FRMD6: variants seen among roughly 807,000 people sequenced by gnomAD.
FRMD6 encodes FERM domain-containing protein 6.
In FRMD6, 37 loss-of-function variants were observed where a neutral mutation model predicts 73.2. The ratio of observed to expected loss-of-function variants is 0.51; its 90% CI spans 0.39 to 0.66. The LOEUF is 0.66. Among genes scored for constraint, FRMD6 ranks in the 30% least tolerant of loss-of-function variants. The probability of loss-of-function intolerance (pLI) is 0.00; values close to 1 mark genes in which losing one functional copy is unlikely to be tolerated. For missense variants in FRMD6, 714 were observed against 780.5 expected, an observed-to-expected ratio of 0.91 and a Z score of 1.02; for synonymous variants, 273 against 282.2, an observed-to-expected ratio of 0.97 and a Z score of 0.33.
chr14:51,429,806 T>A, the FRMD6 span, among the ~76,000 whole-genome samples: 2 of 152,226 alleles, frequency 1.3e-5, no homozygotes, highest in Non-Finnish European at 2.9e-5. Flanking sequence ...TCCCTTTCAC[T>A]TGTGGGACTT....
the FRMD6 span, among the ~76,000 whole-genome samples, chr14:51,416,467 G>T: frequency 6.6e-6 from 1 of 152,212 alleles, no homozygotes; most frequent in Non-Finnish European, 1.5e-5. Context: ...GCGGTTTTGA[G>T]TGAGCTTCTT....
At chr14:51,463,373 C>T in the FRMD6 span, among the ~76,000 whole-genome samples, 1 of 152,200 alleles carries the variant, frequency 6.6e-6, no homozygotes, top group Non-Finnish European at 1.5e-5. Flanking sequence ...ATAATACCTA[C>T]ACATCACTTA....
intron 1 of FRMD6, among the ~76,000 whole-genome samples, chr14:51,565,679 C>T (rs1221590427): frequency 6.6e-6 from 1 of 151,944 alleles, no homozygotes; most frequent in Non-Finnish European, 1.5e-5. Flanking sequence ...CTCTGAAGAT[C>T]TAGCCCAACC....
At chr14:51,611,415 G>A (rs929011527) in intron 2 of FRMD6, among the ~76,000 whole-genome samples, 1 of 152,056 alleles carries the variant, frequency 6.6e-6, no homozygotes, top group African/African-American at 2.4e-5. Flanking sequence ...GAAATAACCA[G>A]GGCTGCTTTA....
the FRMD6 span, among the ~76,000 whole-genome samples, chr14:51,420,224 C>T: frequency 1.4e-4 from 22 of 152,298 alleles, no homozygotes; most frequent in Admixed American, 3.3e-4. Flanking sequence ...GAGAAATATA[C>T]TTCTATTATG....
the FRMD6 span, among the ~76,000 whole-genome samples, chr14:51,482,897 T>G: frequency 1.3e-5 from 2 of 151,718 alleles, no homozygotes; most frequent in Non-Finnish European, 2.9e-5. Context: ...AGACGGGGGG[T>G]TTCACTATGT....
chr14:51,399,935 T>G, the FRMD6 span, among the ~76,000 whole-genome samples: 3 of 145,446 alleles, frequency 2.1e-5, no homozygotes, highest in South Asian at 2.2e-4. Context: ...GAGAATGTTG[T>G]TTTTTTTTTT....
intron 1 of FRMD6, among the ~76,000 whole-genome samples, chr14:51,500,753 CAT>C (rs974784505): frequency 1.3e-4 from 19 of 151,954 alleles, no homozygotes; most frequent in African/African-American, 3.6e-4. Context: ...TACATATATA[CAT>C]ATGTGTGTGT....
chr14:51,678,694 C>G (rs1384885183), intron 1 of FRMD6, among the ~76,000 whole-genome samples: 1 of 152,032 alleles, frequency 6.6e-6, no homozygotes, highest in African/African-American at 2.4e-5. Flanking sequence ...GACAGCCTAC[C>G]CTTGAGGAGA....
intron 1 of FRMD6, among the ~76,000 whole-genome samples, chr14:51,530,798 A>G (rs1428547802): frequency 6.6e-6 from 1 of 152,118 alleles, no homozygotes; most frequent in Non-Finnish European, 1.5e-5. Flanking sequence ...CAAGATATTT[A>G]TTAATTAGAA....
At chr14:51,554,506 A>G (rs554162338) in intron 1 of FRMD6, among the ~76,000 whole-genome samples, 1 of 152,348 alleles carries the variant, frequency 6.6e-6, no homozygotes, top group South Asian at 2.1e-4. Flanking sequence ...TCACCAGCAC[A>G]GTGACAAGTC....
chr14:51,646,146 G>A (rs1383886800), intron 2 of FRMD6, among the ~76,000 whole-genome samples: 12 of 151,494 alleles, frequency 7.9e-5, no homozygotes, highest in Admixed American at 1.3e-4. Context: ...GCGAAACCCC[G>A]TCTCTACTAA....
At chr14:51,398,302 C>A in the FRMD6 span, among the ~76,000 whole-genome samples, 461 of 152,246 alleles carry the variant, frequency 3.0e-3, no homozygotes, top group Non-Finnish European at 3.2e-3. Flanking sequence ...CCACGATCCC[C>A]TCCCGTGAAC....
the FRMD6 span, among the ~76,000 whole-genome samples, chr14:51,411,183 T>C: frequency 1.3e-5 from 2 of 152,178 alleles, no homozygotes. Context: ...TAACGAGTGG[T>C]CTCATAAGCA....
At chr14:51,615,147 A>G (rs985238275) in intron 2 of FRMD6, among the ~76,000 whole-genome samples, 4 of 152,234 alleles carry the variant, frequency 2.6e-5, no homozygotes, top group African/African-American at 7.2e-5. Flanking sequence ...AAAGCTCAGT[A>G]TAGTAGTCCA....
the FRMD6 span, among the ~76,000 whole-genome samples, chr14:51,478,771 T>C: frequency 5.3e-5 from 8 of 152,228 alleles, no homozygotes; most frequent in African/African-American, 1.7e-4. Context: ...CCCTATGAGA[T>C]GGAAGTCGGG....
intron 1 of FRMD6, among the ~76,000 whole-genome samples, chr14:51,546,399 T>A (rs561286338): frequency 7.2e-6 from 1 of 138,274 alleles, no homozygotes; most frequent in African/African-American, 2.8e-5. Flanking sequence ...AGAAACTCTT[T>A]TTTTTTTCTT....
chr14:51,696,778 T>C (rs1895968281), intron 2 of FRMD6, among the ~76,000 whole-genome samples: 1 of 149,596 alleles, frequency 6.7e-6, no homozygotes, highest in South Asian at 2.1e-4. Flanking sequence ...CGATTGAGAC[T>C]CTGTCTTTAA....
chr14:51,410,679 C>G, the FRMD6 span, among the ~76,000 whole-genome samples: 2 of 152,088 alleles, frequency 1.3e-5, no homozygotes, highest in African/African-American at 4.8e-5. Flanking sequence ...AATCTACCAC[C>G]CAAAGAAAAC....
Sources: allele counts gnomAD v4.1 joint callset (sites outside exome capture counted in the v4.1 genomes callset), GRCh38; gene constraint gnomAD v4.1.1; transcripts MANE v1.5; gene names NCBI Gene and HGNC (gene_info 2026-07-23, HGNC 2026-07-21).